Variants in KMT2C observed in about 807,000 individuals in gnomAD.
The protein encoded by KMT2C is lysine methyltransferase 2C.
A neutral mutation model predicts 507.9 loss-of-function variants in KMT2C; 88 were observed. That is an observed-to-expected ratio of 0.17 (90% confidence interval 0.15 to 0.21). The LOEUF (loss-of-function observed/expected upper bound fraction) is 0.21. Ranked by LOEUF, KMT2C falls within the 10% of genes least tolerant of loss-of-function variation. The probability of loss-of-function intolerance (pLI) is 1.00; values close to 1 mark genes in which losing one functional copy is unlikely to be tolerated. For synonymous variants in KMT2C, 2,049 were observed against 2,080.8 expected, an observed-to-expected ratio of 0.98 and a Z score of 0.42; for missense variants, 4,954 against 5,957.8, an observed-to-expected ratio of 0.83 and a Z score of 5.55.
rs1218457701 is a variant in KMT2C, at chr7:152,251,963, C to T, written c.1597G>A (p.Val533Met). ...EMDRLQPGEE[V>M]EIAELTTDYN... Reference sequence around the variant, plus strand: ...CCTGTAGTGAGCTCAGCTATCTCCACTTCCTCACCTGGCTGTAAACGATCC... The same window carrying T: ...CCTGTAGTGAGCTCAGCTATCTCCATTTCCTCACCTGGCTGTAAACGATCC... Residue 533 changes from valine (V) to methionine (M), a missense_variant, in exon 11 of 59, where the codon GTG becomes ATG. Val to Met is a conservative substitution (Grantham distance 21, BLOSUM62 1). Around this residue, in one of 29 missense-constraint regions of KMT2C, gnomAD observed 376 missense variants for 352.4 expected, o/e 1.07. Transcript: ENST00000262189. 2.5e-6 allele frequency: 4 copies of T among 1,610,544 alleles called. No individual in the cohort carries two copies. The African/African-American group carries it at 4.0e-5, about 16-fold the overall frequency.
chr7:152,177,893 T>C lies in KMT2C; in HGVS notation c.7560A>G (p.Val2520=), dbSNP rs1443856718. Residue 2520 remains valine (V), a synonymous_variant, in exon 38 of 59, where the codon GTA becomes GTG. Transcript: ENST00000262189. ...AGTTATTTAAAGGCCTAGGCATATCTACAGATACTGATCTTCTTAGCTGTG... is the reference window on the plus strand; with the variant it reads ...AGTTATTTAAAGGCCTAGGCATATCCACAGATACTGATCTTCTTAGCTGTG... The part of the protein sequence containing the change: ...VSPQLRRSVS[V]DMPRPLNNSQ... 2.5e-6 allele frequency: 4 copies of C among 1,613,444 alleles called. No individual in the cohort carries two copies. Among genetic ancestry groups the C allele is most frequent in the Non-Finnish European group, 3.4e-6 (4 of 1,179,908 alleles).
chr7:152,236,538 T>A (rs2095278364), intron 15 of KMT2C, among the ~76,000 whole-genome samples: 1 of 152,160 alleles, frequency 6.6e-6, no homozygotes, highest in South Asian at 2.1e-4. Flanking sequence ...TACTGCTACA[T>A]CAGCGTGAAA....
intron 6 of KMT2C, among the ~76,000 whole-genome samples, chr7:152,308,069 T>C (rs1452686381): frequency 1.3e-5 from 2 of 152,230 alleles, no homozygotes; most frequent in Admixed American, 1.3e-4. Context: ...GAAAATACTA[T>C]TATGCATTAA....
At chr7:152,338,866 AC>A in intron 2 of KMT2C, among the ~76,000 whole-genome samples, 1 of 152,234 alleles carries the variant, frequency 6.6e-6, no homozygotes, top group South Asian at 2.1e-4. Flanking sequence ...GGGATCACTT[AC>A]TGAATATAAA....
chr7:152,415,793 C>T (rs73491339), intron 1 of KMT2C, among the ~76,000 whole-genome samples: 7,179 of 85,062 alleles, frequency 0.084, no homozygotes, highest in Non-Finnish European at 0.12. Context: ...GGCAGGAGAA[C>T]TGCTTGAACC....
intron 6 of KMT2C, among the ~76,000 whole-genome samples, chr7:152,293,687 A>T (rs1489285322): frequency 6.6e-6 from 1 of 152,216 alleles, no homozygotes; most frequent in Non-Finnish European, 1.5e-5. Flanking sequence ...AATACTAAAA[A>T]GAAAGATTAA....
intron 1 of KMT2C, among the ~76,000 whole-genome samples, chr7:152,432,686 G>A (rs2097874414): frequency 6.6e-6 from 1 of 152,142 alleles, no homozygotes; most frequent in Non-Finnish European, 1.5e-5. Flanking sequence ...ATATAGCTAT[G>A]CTTTTTATTC....
chr7:152,178,034 A>AAAAAAAAAAAAAAAAAAC (rs2093285637), intron 37 of KMT2C, 24 bp from the exon 38 acceptor site: 1 of 1,401,182 alleles, frequency 7.1e-7, no homozygotes, highest in African/African-American at 1.5e-5. Flanking sequence ...AAAAAAAAAA[A>AAAAAAAAAAAAAAAAAAC]AAAAAAAAGC....
At chr7:152,213,150 C>T (rs1376038536) in intron 23 of KMT2C, among the ~76,000 whole-genome samples, 1 of 152,198 alleles carries the variant, frequency 6.6e-6, no homozygotes, top group Non-Finnish European at 1.5e-5. Flanking sequence ...CCAAAGTGAT[C>T]TACAGATTCA....
intron 7 of KMT2C, among the ~76,000 whole-genome samples, chr7:152,272,074 C>T (rs890265168): frequency 6.6e-6 from 1 of 152,016 alleles, no homozygotes; most frequent in African/African-American, 2.4e-5. Flanking sequence ...TTAGTTTTAT[C>T]CTATTGCTCA....
chr7:152,255,116 T>TATAC (rs2095628354), intron 9 of KMT2C, among the ~76,000 whole-genome samples: 2 of 95,742 alleles, frequency 2.1e-5, no homozygotes, highest in Admixed American at 9.9e-5. Context: ...CACTTATATA[T>TATAC]ATATATATAT....
chr7:152,354,100 T>G (rs2097134508), intron 2 of KMT2C, among the ~76,000 whole-genome samples: 1 of 152,128 alleles, frequency 6.6e-6, no homozygotes, highest in African/African-American at 2.4e-5. Flanking sequence ...AAACAAAGAC[T>G]AATATACACT....
chr7:152,365,466 G>A (rs953211088), intron 1 of KMT2C, among the ~76,000 whole-genome samples: 1 of 152,162 alleles, frequency 6.6e-6, no homozygotes, highest in South Asian at 2.1e-4. Context: ...AAATCGCACC[G>A]CTGCACTCCA....
At chr7:152,399,521 C>G (rs949398713) in intron 1 of KMT2C, among the ~76,000 whole-genome samples, 2 of 151,962 alleles carry the variant, frequency 1.3e-5, no homozygotes, top group Non-Finnish European at 2.9e-5. Flanking sequence ...TGTCAGAATA[C>G]AAAAGACTAA....
intron 23 of KMT2C, among the ~76,000 whole-genome samples, chr7:152,216,609 A>G (rs1170739872): frequency 6.6e-6 from 1 of 152,236 alleles, no homozygotes; most frequent in Non-Finnish European, 1.5e-5. Context: ...CAGATATGCT[A>G]TAATACAGAG....
intron 48 of KMT2C, 151 bp downstream of exon 48, chr7:152,153,859 C>T (rs754992558): frequency 2.0e-5 from 14 of 698,724 alleles, no homozygotes; most frequent in Non-Finnish European, 3.3e-5. Context: ...CACTCAAAGG[C>T]AGCTGAGAGG....
At position 152,139,228 on chromosome 7, in the gene KMT2C, T is replaced by A; in HGVS notation, c.14492A>T (p.Asn4831Ile). Reference sequence around the variant, plus strand: ...GAGCGTCGCGTCAATCACATGGTCGTTATCCATGCGGAACATGTACACACC... The same window carrying A: ...GAGCGTCGCGTCAATCACATGGTCGATATCCATGCGGAACATGTACACACC... ...NRGVYMFRMD[N>I]DHVIDATLTG... The change falls in exon 57 of 59, where the codon AAC (asparagine) becomes ATC (isoleucine). Residue 4831 changes from asparagine to isoleucine, a missense_variant. Physicochemically the swap from Asn to Ile is moderately radical, Grantham distance 149. Coordinates refer to ENST00000262189, the MANE Select transcript of KMT2C (RefSeq NM_170606.3). 6.2e-7 allele frequency: 1 copy of A among 1,613,936 alleles called. No homozygotes were observed. Among genetic ancestry groups the A allele is most frequent in the South Asian group, 1.1e-5 (1 of 91,082 alleles).
rs752270433 is a variant in KMT2C at position 152,185,569 on chromosome 7, C to T, written c.5071G>A (p.Ala1691Thr). The T allele has an allele frequency of 8.7e-6, 14 of 1,613,458 alleles. No individual in the cohort carries two copies. The South Asian group carries it at 1.5e-4, about 18-fold the overall frequency. The part of the protein sequence containing the change: ...LWRKASSQER[A>T]PYVQKARDNR... ...GTTTCTTAAAATACCACATATGGTG[C>T]TCTTTCTTGTGAGCTTGCTTTTCTC... Residue 1691 changes from alanine to threonine, a missense_variant, in exon 34 of 59, where the codon GCA becomes ACA. Physicochemically the swap from Ala to Thr is moderately conservative, Grantham distance 58. Around this residue, in one of 29 missense-constraint regions of KMT2C, gnomAD observed 24 missense variants for 52.9 expected, o/e 0.45. Transcript: ENST00000262189.
At chr7:152,362,802 C>T (rs1401657632) in intron 1 of KMT2C, among the ~76,000 whole-genome samples, 2 of 152,290 alleles carry the variant, frequency 1.3e-5, no homozygotes, top group South Asian at 2.1e-4. Flanking sequence ...CATTGCCCTA[C>T]TTACTCCTTA....
Sources: allele counts gnomAD v4.1 joint callset (sites outside exome capture counted in the v4.1 genomes callset), GRCh38; gene constraint gnomAD v4.1.1; regional missense constraint gnomAD v4.1.1; transcripts MANE v1.5; gene names NCBI Gene and HGNC (gene_info 2026-07-23, HGNC 2026-07-21).